Variants in TRIM58 observed in about 807,000 individuals in gnomAD.
The protein encoded by TRIM58 is E3 ubiquitin-protein ligase TRIM58.
Under a neutral mutation model 34.1 loss-of-function variants are expected in TRIM58, and 38 were observed. The ratio of observed to expected loss-of-function variants is 1.12; its 90% CI spans 0.86 to 1.46. TRIM58 has a LOEUF of 1.46. Among genes scored for constraint, TRIM58 ranks in the 40% most tolerant of loss-of-function variants. The pLI is 0.00. For missense variants in TRIM58, 677 were observed against 642.0 expected (o/e 1.05, Z -0.59); for synonymous variants, 273 against 275.7 (o/e 0.99, Z 0.10).
chr1:247,863,463 A>G (rs887629180), intron 2 of TRIM58, among the ~76,000 whole-genome samples: 3 of 149,332 alleles, frequency 2.0e-5, no homozygotes, highest in Admixed American at 6.6e-5. Context: ...ACTTGAACCC[A>G]GGAGGAGGAG....
chr1:247,878,500 G>A lies in TRIM58; in HGVS notation c.*2011G>A, dbSNP rs976916788. On this transcript the variant is annotated 3_prime_UTR_variant, in exon 6 of 6. Coordinates refer to ENST00000366481, the MANE Select transcript of TRIM58 (RefSeq NM_015431.4). Reference sequence around the variant, plus strand: ...TAGATTTGCAAACAGAGGAAATAACGCATCCTCGTGTCCCTCTTCTTGGTG... The same window carrying A: ...TAGATTTGCAAACAGAGGAAATAACACATCCTCGTGTCCCTCTTCTTGGTG... 7.2e-5 allele frequency among the ~76,000 whole-genome samples: 11 copies of A among 152,126 alleles called. No individual in the cohort carries two copies. Among genetic ancestry groups the A allele is most frequent in the Admixed American group, 6.5e-4 (10 of 15,278 alleles).
chr1:247,873,425 G>C (rs939052191), intron 5 of TRIM58, among the ~76,000 whole-genome samples: 2 of 152,156 alleles, frequency 1.3e-5, no homozygotes, highest in African/African-American at 4.8e-5. Context: ...AAATGAAGCA[G>C]ACCACTGTGC....
At chr1:247,868,866 G>A (rs6657427) in intron 5 of TRIM58, among the ~76,000 whole-genome samples, 65,874 of 151,856 alleles carry the variant, frequency 0.43, 15,233 homozygotes, top group African/African-American at 0.6. Flanking sequence ...TGGAACCTCC[G>A]TGTGTTCAGT....
chr1:247,875,889 T>A lies in TRIM58; in HGVS notation c.872-11T>A, dbSNP rs1257462692. ...TTTCCTTTCACCTGGTCCACCACAT[T>A]CTTTCCGCAGTGGATGTAAAGCTGG... On this transcript the variant is annotated splice_polypyrimidine_tract_variant and intron_variant, in intron 5 of 5. Coordinates refer to ENST00000366481, the MANE Select transcript of TRIM58 (RefSeq NM_015431.4). 6.2e-7 allele frequency: 1 copy of A among 1,600,222 alleles called. No individual in the cohort carries two copies. Among genetic ancestry groups the A allele is most frequent in the African/African-American group, 1.3e-5 (1 of 74,778 alleles).
intron 2 of TRIM58, among the ~76,000 whole-genome samples, chr1:247,861,890 G>A (rs575295513): frequency 1.1e-4 from 16 of 152,180 alleles, no homozygotes; most frequent in South Asian, 4.2e-4. Flanking sequence ...TTGGGAAGCC[G>A]AAGCAGGTGG....
Position 247,875,915 on chromosome 1 carries a change from A to T in TRIM58, c.887A>T (p.Asp296Val). Residue 296 changes from aspartate to valine, a missense_variant, in exon 6 of 6, where the codon GAT becomes GTT. Asp to Val is a radical substitution (Grantham distance 152, BLOSUM62 -3). Coordinates refer to ENST00000366481, the MANE Select transcript of TRIM58 (RefSeq NM_015431.4). ...LRKFQVDVKL[D>V]PATAHPSLLL... is the part of the protein sequence containing the mutation. ...CTTTCCGCAGTGGATGTAAAGCTGG[A>T]TCCCGCCACGGCGCACCCGAGTCTG... 1 of 1,611,528 alleles carries T rather than the reference A, an allele frequency of 6.2e-7. No individual in the cohort carries two copies. The highest frequency in any genetic ancestry group is 8.5e-7 in the Non-Finnish European group (1 of 1,178,394).
Position 247,867,831 on chromosome 1 carries a change from T to C in TRIM58, c.748-14T>C. ...CAGAGTCCAACTCACACTGTGTTTT[T>C]CTTTCCTTTTCAGGGTGTGAGAGGA... On this transcript the variant is annotated splice_polypyrimidine_tract_variant and intron_variant, in intron 3 of 5. Transcript: ENST00000366481. 1 of 1,614,192 alleles carries C rather than the reference T, an allele frequency of 6.2e-7. No individual in the cohort carries two copies. Among genetic ancestry groups the C allele is most frequent in the Non-Finnish European group, 8.5e-7 (1 of 1,180,020 alleles).
At chr1:247,861,835 A>G (rs887593298) in intron 2 of TRIM58, among the ~76,000 whole-genome samples, 1 of 152,160 alleles carries the variant, frequency 6.6e-6, no homozygotes, top group African/African-American at 2.4e-5. Flanking sequence ...AGAAACATGT[A>G]CATTAAGGCC....
rs1455272953 is a variant in TRIM58 at position 247,879,388 on chromosome 1, G to A, written c.*2899G>A. Among the ~76,000 whole-genome samples, 7 of 152,140 alleles carry A rather than the reference G, an allele frequency of 4.6e-5. No individual in the cohort carries two copies. Among genetic ancestry groups the A allele is most frequent in the East Asian group, 1.9e-4 (1 of 5,180 alleles). ...CCTGCCCCTCTGGATTATGACTTTC[G>A]TTTCCTCACAGTGGTCCTGCTTGGG... On this transcript the variant is annotated 3_prime_UTR_variant, in exon 6 of 6. Coordinates refer to ENST00000366481, the MANE Select transcript of TRIM58 (RefSeq NM_015431.4).
chr1:247,874,357 G>A (rs1050281315), intron 5 of TRIM58, among the ~76,000 whole-genome samples: 2 of 152,094 alleles, frequency 1.3e-5, no homozygotes, highest in Admixed American at 1.3e-4. Context: ...TTGCATGAAC[G>A]GATAAAGAAC....
intron 5 of TRIM58, among the ~76,000 whole-genome samples, chr1:247,875,026 C>T (rs903508747): frequency 6.6e-5 from 10 of 152,184 alleles, no homozygotes; most frequent in Non-Finnish European, 1.2e-4. Context: ...TTTCCATTTT[C>T]AAAGCCAGCA....
chr1:247,860,807 T>G (rs1275670889), intron 2 of TRIM58, 95 bp downstream of exon 2: 9 of 962,592 alleles, frequency 9.3e-6, no homozygotes, highest in Admixed American at 8.2e-5. Context: ...TCCAGCACTT[T>G]TGTTCCATCT....
chr1:247,870,242 C>T (rs1659078220), intron 5 of TRIM58, among the ~76,000 whole-genome samples: 1 of 152,204 alleles, frequency 6.6e-6, no homozygotes. Flanking sequence ...ATTCCCTGGT[C>T]TCCTTCCGTG....
At chr1:247,858,493 T>C (rs543811510) in intron 1 of TRIM58, among the ~76,000 whole-genome samples, 8 of 152,300 alleles carry the variant, frequency 5.3e-5, no homozygotes, top group African/African-American at 1.7e-4. Context: ...ACTGACAGAT[T>C]TAACCAAAGG....
Position 247,857,289 on chromosome 1 carries a change from C to G in TRIM58, c.43C>G (p.Arg15Gly). 1 of 1,386,914 alleles carries G rather than the reference C, an allele frequency of 7.2e-7. No individual in the cohort carries two copies. The highest frequency in any genetic ancestry group is 9.4e-7 in the Non-Finnish European group (1 of 1,062,180). 85.9% of individuals were successfully genotyped at this position (1,386,914 alleles called of 1,614,324 possible). A position where few individuals can be genotyped will look rare whatever the true frequency, so the allele number is the denominator to read the frequency against. ...CGGGGAGCGGCTGCGCGAGGATGCGCGGTGCCCGGTGTGCCTGGATTTCCT... is the reference window on the plus strand; with the variant it reads ...CGGGGAGCGGCTGCGCGAGGATGCGGGGTGCCCGGTGTGCCTGGATTTCCT... Reference protein sequence around the residue: ...PPGERLREDARCPVCLDFLQE... With the variant: ...PPGERLREDAGCPVCLDFLQE... Residue 15 changes from arginine (R) to glycine (G), a missense_variant, in exon 1 of 6, where the codon CGG (arginine) becomes GGG (glycine). Arg to Gly is a moderately radical substitution (Grantham distance 125, BLOSUM62 -2). Coordinates refer to ENST00000366481, the MANE Select transcript of TRIM58 (RefSeq NM_015431.4).
At chr1:247,864,977 G>A (rs12119035) in intron 3 of TRIM58, 42 bp downstream of exon 3, 1 of 1,509,688 alleles carries the variant, frequency 6.6e-7, no homozygotes, top group South Asian at 1.2e-5. Flanking sequence ...GTGAGACTCA[G>A]GTGACAGAGA....
At position 247,879,604 on chromosome 1, in the gene TRIM58, C is replaced by T. The variant is rs1659364333; in HGVS notation, c.*3115C>T. Reference sequence around the variant, plus strand: ...TGTGAACCCCCAGGCCCTAGAGGATCTGAACCCCCATCCCTCCTCTGATTA... The same window carrying T: ...TGTGAACCCCCAGGCCCTAGAGGATTTGAACCCCCATCCCTCCTCTGATTA... On this transcript the variant is annotated 3_prime_UTR_variant, in exon 6 of 6. Coordinates refer to ENST00000366481, the MANE Select transcript of TRIM58 (RefSeq NM_015431.4). 6.6e-6 allele frequency among the ~76,000 whole-genome samples: 1 copy of T among 151,772 alleles called. No individual in the cohort carries two copies. The highest frequency in any genetic ancestry group is 2.1e-4 in the South Asian group (1 of 4,798).
chr1:247,866,550 C>T (rs1663931139), intron 3 of TRIM58, among the ~76,000 whole-genome samples: 1 of 152,198 alleles, frequency 6.6e-6, no homozygotes, highest in Non-Finnish European at 1.5e-5. Context: ...GGATTGTAGG[C>T]ATGAGCCACC....
intron 3 of TRIM58, among the ~76,000 whole-genome samples, chr1:247,866,087 C>T (rs1663913770): frequency 6.6e-6 from 1 of 152,008 alleles, no homozygotes; most frequent in African/African-American, 2.4e-5. Flanking sequence ...TTGCTATGTT[C>T]ATTTCCTTGT....
Sources: gnomAD v4.1 joint callset for allele counts (sites outside exome capture counted in the v4.1 genomes callset) on GRCh38, gnomAD v4.1.1 for gene constraint, MANE v1.5 for transcripts, NCBI Gene and HGNC (gene_info 2026-07-23, HGNC 2026-07-21) for gene names.